Variants in ZNF343 observed in about 807,000 individuals in gnomAD.
ZNF343 encodes zinc finger protein 343.
A neutral mutation model predicts 13.8 loss-of-function variants in ZNF343; 11 were observed. The ratio of observed to expected loss-of-function variants is 0.80; its 90% CI spans 0.50 to 1.32. ZNF343 has a LOEUF of 1.32. ZNF343 is among the 40% of genes most tolerant of loss of function. The probability of loss-of-function intolerance (pLI) is 0.00; values close to 1 mark genes in which losing one functional copy is unlikely to be tolerated. For missense variants in ZNF343, 658 were observed against 714.2 expected, an observed-to-expected ratio of 0.92 and a Z score of 0.90; for synonymous variants, 248 against 260.0, an observed-to-expected ratio of 0.95 and a Z score of 0.44.
chr20:2,496,936 C>T (rs373229041), intron 2 of ZNF343, among the ~76,000 whole-genome samples: 3 of 152,142 alleles, frequency 2.0e-5, no homozygotes, highest in East Asian at 3.9e-4. Context: ...CAAAATTAGC[C>T]GGGCATGGTG....
intron 1 of ZNF343, among the ~76,000 whole-genome samples, chr20:2,520,565 T>A (rs966609634): frequency 6.6e-6 from 1 of 152,254 alleles, no homozygotes; most frequent in Non-Finnish European, 1.5e-5. Flanking sequence ...TTCAGAACAA[T>A]GTCTGATTCT....
rs959982589 is a variant in ZNF343, at chr20:2,482,282, T to A, written c.*879A>T. Reference sequence around the variant, plus strand: ...TGCGGGGTGACTCATGGCTGAAGCCTTATCTACACTCCTTATATACCTAAC... The same window carrying A: ...TGCGGGGTGACTCATGGCTGAAGCCATATCTACACTCCTTATATACCTAAC... On this transcript the variant is annotated 3_prime_UTR_variant, in exon 6 of 6. Transcript: ENST00000278772. The A allele has an allele frequency of 1.3e-5, 2 of 149,312 alleles. No individual in the cohort carries two copies. The highest frequency in any genetic ancestry group is 3.0e-5 in the Non-Finnish European group (2 of 66,898). The allele number at this position is 149,312 out of a possible 1,614,324, so 9.2% of individuals were successfully genotyped here. A position where few individuals can be genotyped will look rare whatever the true frequency, so the allele number is the denominator to read the frequency against.
intron 5 of ZNF343, among the ~76,000 whole-genome samples, chr20:2,485,587 A>G (rs1004062992): frequency 4.6e-5 from 7 of 152,242 alleles, no homozygotes; most frequent in Non-Finnish European, 8.8e-5. Context: ...TAGCATAACC[A>G]TCATGAAACT....
intron 5 of ZNF343, among the ~76,000 whole-genome samples, chr20:2,489,154 C>A (rs1045662375): frequency 6.6e-6 from 1 of 152,112 alleles, no homozygotes; most frequent in Non-Finnish European, 1.5e-5. Context: ...ATGTAAGAAT[C>A]CATTTTCACT....
Position 2,518,350 on chromosome 20 carries a change from T to C in ZNF343, c.-347+6105A>G, listed in dbSNP as rs2085768604. On this transcript the variant is annotated intron_variant, in intron 1 of 6. Coordinates refer to the ZNF343 transcript ENST00000358413. This position sits in a 1 kb window ranked among gnomAD's most constrained non-coding sequence, Gnocchi z 4.6. Reference sequence around the variant, plus strand: ...TTATTTCTATTTGGGAGAATTATAATGAATCAAAAGCAGTATTCGTGTAAA... The same window carrying C: ...TTATTTCTATTTGGGAGAATTATAACGAATCAAAAGCAGTATTCGTGTAAA... Among the ~76,000 whole-genome samples, 1 of 152,212 alleles carries C rather than the reference T, an allele frequency of 6.6e-6. No homozygotes were observed. Among genetic ancestry groups the C allele is most frequent in the Non-Finnish European group, 1.5e-5 (1 of 68,034 alleles).
At chr20:2,496,125 C>T (rs2085455695) in intron 2 of ZNF343, among the ~76,000 whole-genome samples, 1 of 152,184 alleles carries the variant, frequency 6.6e-6, no homozygotes, top group African/African-American at 2.4e-5. Flanking sequence ...CACAAGATAT[C>T]AGACGGAGAT....
intron 5 of ZNF343, among the ~76,000 whole-genome samples, chr20:2,487,290 G>A (rs1411354326): frequency 1.3e-5 from 2 of 152,110 alleles, no homozygotes; most frequent in Admixed American, 1.3e-4. Context: ...AAACTATTCA[G>A]AAAGGGCATG....
intron 5 of ZNF343, among the ~76,000 whole-genome samples, chr20:2,487,502 T>C (rs1426315477): frequency 6.6e-6 from 1 of 152,238 alleles, no homozygotes; most frequent in Non-Finnish European, 1.5e-5. Context: ...TCCAAGAATT[T>C]ACTCCCTATC....
upstream of ZNF343, among the ~76,000 whole-genome samples, chr20:2,509,348 C>T (rs946683445): frequency 6.6e-6 from 1 of 152,220 alleles, no homozygotes; most frequent in Non-Finnish European, 1.5e-5. Context: ...GTAGATTCGA[C>T]TTCGTGTTGC....
chr20:2,484,563 A>G lies in ZNF343; in HGVS notation c.398T>C (p.Leu133Pro), dbSNP rs535922881. ...FLSQHVLQIF[L>P]GLCAENHFHP... ...GAAGTGATTTTCTGCACATAAGCCC[A>G]GGAAGATCTGAAGTACATGTTGACT... Residue 133 changes from leucine to proline, a missense_variant, in exon 6 of 6, where the codon CTG becomes CCG. Leu to Pro is a moderately conservative substitution (Grantham distance 98). Coordinates refer to ENST00000278772, the MANE Select transcript of ZNF343 (RefSeq NM_024325.6). 3.6e-5 allele frequency: 58 copies of G among 1,614,216 alleles called. No individual in the cohort carries two copies. In the South Asian group the frequency reaches 6.1e-4, roughly 17 times the overall value.
At chr20:2,495,897 G>T (rs1340223545) in intron 2 of ZNF343, among the ~76,000 whole-genome samples, 1 of 152,146 alleles carries the variant, frequency 6.6e-6, no homozygotes, top group Non-Finnish European at 1.5e-5. Context: ...GGCCAGGCTG[G>T]TCTCGAACTC....
intron 1 of ZNF343, among the ~76,000 whole-genome samples, chr20:2,504,109 TA>T: frequency 6.6e-6 from 1 of 151,966 alleles, no homozygotes; most frequent in African/African-American, 2.4e-5. Context: ...ATAGACGCAA[TA>T]AAAAATGATA....
chr20:2,492,071 C>T (rs2085374867), intron 5 of ZNF343: 1 of 155,114 alleles, frequency 6.4e-6, no homozygotes. Flanking sequence ...CCAGGATGGT[C>T]TCGATCTCCT....
chr20:2,521,841 G>A (rs961723941), intron 1 of ZNF343, among the ~76,000 whole-genome samples: 3 of 152,134 alleles, frequency 2.0e-5, no homozygotes, highest in African/African-American at 7.2e-5. Context: ...GGGTGGTCGC[G>A]GTCAAAATCA....
intron 2 of ZNF343, among the ~76,000 whole-genome samples, chr20:2,494,381 A>G (rs560070641): frequency 6.6e-6 from 1 of 152,284 alleles, no homozygotes; most frequent in African/African-American, 2.4e-5. Flanking sequence ...CTGTGGAGAA[A>G]GAGCCTCTGA....
chr20:2,487,202 T>C (rs928712331), intron 5 of ZNF343, among the ~76,000 whole-genome samples: 5 of 152,214 alleles, frequency 3.3e-5, no homozygotes, highest in African/African-American at 1.2e-4. Context: ...TTGTATTCGA[T>C]TGTAGGGATT....
intron 4 of ZNF343, 43 bp from the exon 5 acceptor site, chr20:2,492,868 A>G (rs1271298020): frequency 1.9e-6 from 3 of 1,606,638 alleles, no homozygotes; most frequent in Admixed American, 1.7e-5. Context: ...GCCACCATCA[A>G]TCTTCCCTGT....
intron 1 of ZNF343, among the ~76,000 whole-genome samples, chr20:2,520,396 G>A (rs1162841285): frequency 6.6e-6 from 1 of 152,078 alleles, no homozygotes; most frequent in Non-Finnish European, 1.5e-5. Context: ...ACTTTAGGAG[G>A]CCAAGGTGGG....
rs974626613 is a variant in ZNF343 at position 2,521,137 on chromosome 20, G to A, written c.-347+3318C>T. Among the ~76,000 whole-genome samples, 6 of 152,274 alleles carry A rather than the reference G, an allele frequency of 3.9e-5. No homozygotes were observed. In the East Asian group the frequency reaches 9.6e-4, roughly 24 times the overall value. ...GTAGCCTCTGCTGAGGGAAATGAAC[G>A]TGTAATCTCTGGGGCAAAAGATAGG... On this transcript the variant is annotated intron_variant, in intron 1 of 6. Transcript: ENST00000358413.
Sources: gnomAD v4.1 joint callset for allele counts (sites outside exome capture counted in the v4.1 genomes callset) on GRCh38, gnomAD v4.1.1 for gene constraint, Gnocchi (gnomAD v3.1) non-coding constraint, MANE v1.5 for transcripts, NCBI Gene and HGNC (gene_info 2026-07-23, HGNC 2026-07-21) for gene names.